The following MEI4 variants were observed in gnomAD, a reference collection of about 807,000 sequenced individuals.
The protein encoded by MEI4 is meiotic double-stranded break formation protein 4, also known as meiosis-specific protein MEI4.
A neutral mutation model predicts 31.4 loss-of-function variants in MEI4; 27 were observed. The ratio of observed to expected loss-of-function variants is 0.86; its 90% CI spans 0.63 to 1.19. MEI4 has a LOEUF of 1.19. Among genes scored for constraint, MEI4 ranks in the 50% most tolerant of loss-of-function variants. The pLI is 0.00. For missense variants in MEI4, 329 were observed against 398.9 expected (o/e 0.82, Z 1.49); for synonymous variants, 122 against 145.4 (o/e 0.84, Z 1.16).
At chr6:77,802,263 G>A (rs1018083185) in intron 3 of MEI4, among the ~76,000 whole-genome samples, 12 of 152,170 alleles carry the variant, frequency 7.9e-5, no homozygotes, top group African/African-American at 2.4e-4. Context: ...TTGGTTTAAA[G>A]TCTGTTTTAT....
rs568502176 is a variant in MEI4 at position 77,925,012 on chromosome 6, C to T, written c.*1666C>T. On this transcript the variant is annotated 3_prime_UTR_variant, in exon 5 of 5. Transcript: ENST00000684080. ...TGATTCCTGTGAACACCTGTGAAGG[C>T]TTATGGAAGTCACTTCAGTTGATAT... is the stretch of plus-strand genomic sequence containing the variant. The T allele has an allele frequency of 6.6e-6, 1 of 151,944 alleles. No individual in the cohort carries two copies. Among genetic ancestry groups the T allele is most frequent in the East Asian group, 1.9e-4 (1 of 5,154 alleles). The allele number at this position is 151,944 out of a possible 1,614,324, so 9.4% of individuals were successfully genotyped here.
rs151314701 is a variant in MEI4, at chr6:77,747,968, G to A, written c.233-13162G>A. On this transcript the variant is annotated intron_variant, in intron 2 of 4. Transcript: ENST00000684080. Reference sequence around the variant, plus strand: ...GCCCCATGCAAGTGCAGAATCCAGTGGGGTAGTCAAATCCTAAAGGGCTGA... The same window carrying A: ...GCCCCATGCAAGTGCAGAATCCAGTAGGGTAGTCAAATCCTAAAGGGCTGA... Among the ~76,000 whole-genome samples, 411 of 152,318 alleles carry A rather than the reference G, an allele frequency of 2.7e-3. 1 individual carries two copies. Among genetic ancestry groups the A allele is most frequent in the Non-Finnish European group, 4.6e-3 (315 of 68,022 alleles).
chr6:77,807,703 C>G (rs1769473762), intron 3 of MEI4, among the ~76,000 whole-genome samples: 1 of 152,136 alleles, frequency 6.6e-6, no homozygotes, highest in South Asian at 2.1e-4. Context: ...AGTGTAATGG[C>G]TCTTACCTAG....
intron 3 of MEI4, among the ~76,000 whole-genome samples, chr6:77,797,808 C>T (rs1162649505): frequency 1.3e-5 from 2 of 152,124 alleles, no homozygotes; most frequent in Non-Finnish European, 2.9e-5. Context: ...GAGGGTGGGT[C>T]TTCATCTGCC....
chr6:77,767,081 AT>A (rs1445659242), intron 3 of MEI4, among the ~76,000 whole-genome samples: 1 of 152,076 alleles, frequency 6.6e-6, no homozygotes, highest in Admixed American at 6.6e-5. Flanking sequence ...TTATAGCTGT[AT>A]TAAACAAACA....
intron 2 of MEI4, among the ~76,000 whole-genome samples, chr6:77,731,096 A>G (rs1185833431): frequency 3.3e-5 from 5 of 152,058 alleles, no homozygotes; most frequent in African/African-American, 1.2e-4. Context: ...ATATGTGTGC[A>G]TGTGTCTTTA....
At chr6:77,775,337 C>G (rs1016955134) in intron 3 of MEI4, among the ~76,000 whole-genome samples, 15 of 152,044 alleles carry the variant, frequency 9.9e-5, no homozygotes, top group African/African-American at 3.6e-4. Flanking sequence ...TCATTCCCCT[C>G]CCACCCTTTC....
chr6:77,688,416 A>G (rs1769095745), intron 1 of MEI4, among the ~76,000 whole-genome samples: 1 of 152,090 alleles, frequency 6.6e-6, no homozygotes. Flanking sequence ...GTTCAGACAA[A>G]TGACCCTGAC....
chr6:77,759,014 G>C (rs191692267), intron 2 of MEI4, among the ~76,000 whole-genome samples: 1 of 152,234 alleles, frequency 6.6e-6, no homozygotes, highest in East Asian at 1.9e-4. Flanking sequence ...CTGCCACCCT[G>C]TCTAATCGAT....
chr6:77,845,544 A>T (rs768138376), intron 4 of MEI4, among the ~76,000 whole-genome samples: 1 of 152,182 alleles, frequency 6.6e-6, no homozygotes, highest in Non-Finnish European at 1.5e-5. Flanking sequence ...GTGGGACACT[A>T]AGTGGGAAAA....
At chr6:77,900,422 G>A (rs1385558030) in intron 4 of MEI4, among the ~76,000 whole-genome samples, 2 of 151,924 alleles carry the variant, frequency 1.3e-5, no homozygotes, top group African/African-American at 4.8e-5. Flanking sequence ...TGTGTATTGA[G>A]GATCTATTAT....
intron 3 of MEI4, among the ~76,000 whole-genome samples, chr6:77,823,994 CT>C (rs1173443408): frequency 1.3e-5 from 2 of 152,062 alleles, no homozygotes; most frequent in East Asian, 3.9e-4. Context: ...TGGTTGAACA[CT>C]TTTTATGGAT....
At chr6:77,697,867 G>GT (rs1314765033) in intron 2 of MEI4, among the ~76,000 whole-genome samples, 1 of 152,158 alleles carries the variant, frequency 6.6e-6, no homozygotes, top group Admixed American at 6.5e-5. Flanking sequence ...ACAGTGGGGT[G>GT]TTAAAGTCTC....
chr6:77,734,013 TC>T (rs1404849638), intron 2 of MEI4, among the ~76,000 whole-genome samples: 2 of 152,098 alleles, frequency 1.3e-5, no homozygotes, highest in Non-Finnish European at 2.9e-5. Flanking sequence ...TAATTTCTTT[TC>T]TTTTACACTT....
intron 4 of MEI4, among the ~76,000 whole-genome samples, chr6:77,832,169 A>G (rs1242786401): frequency 6.6e-6 from 1 of 152,036 alleles, no homozygotes; most frequent in East Asian, 1.9e-4. Flanking sequence ...TCCAACCTAA[A>G]GTAAATATAA....
intron 2 of MEI4, among the ~76,000 whole-genome samples, chr6:77,754,383 C>T (rs1192636686): frequency 6.6e-6 from 1 of 152,160 alleles, no homozygotes; most frequent in Non-Finnish European, 1.5e-5. Context: ...CTCCAGTTCC[C>T]AATAAGTTCC....
chr6:77,925,539 TG>T lies in MEI4; in HGVS notation c.*2194del, dbSNP rs1266687532. 8 of 151,698 alleles carry T rather than the reference TG, an allele frequency of 5.3e-5. No homozygotes were observed. Among genetic ancestry groups the T allele is most frequent in the Non-Finnish European group, 1.2e-4 (8 of 67,868 alleles). The allele number at this position is 151,698 out of a possible 1,614,324, so 9.4% of individuals were successfully genotyped here. A position where few individuals can be genotyped will look rare whatever the true frequency, so the allele number is the denominator to read the frequency against. On this transcript the variant is annotated 3_prime_UTR_variant, in exon 5 of 5. Coordinates refer to ENST00000684080, the MANE Select transcript of MEI4 (RefSeq NM_001322247.2). ...TGAATGATTTAAACTGGTATTACAA[TG>T]TTTAAGAATGTTATAACAGTTTATA...
intron 2 of MEI4, among the ~76,000 whole-genome samples, chr6:77,726,928 G>A (rs745971866): frequency 9.9e-5 from 15 of 152,090 alleles, no homozygotes; most frequent in Non-Finnish European, 1.9e-4. Context: ...AATAAATAAC[G>A]TTTTATCCAA....
intron 1 of MEI4, among the ~76,000 whole-genome samples, chr6:77,676,726 A>G (rs368405568): frequency 6.6e-6 from 1 of 152,274 alleles, no homozygotes; most frequent in African/African-American, 2.4e-5. Flanking sequence ...GGATGATCCT[A>G]TGAGTGTCAT....
Sources: gnomAD v4.1 joint callset for allele counts (sites outside exome capture counted in the v4.1 genomes callset) on GRCh38, gnomAD v4.1.1 for gene constraint, MANE v1.5 for transcripts, NCBI Gene and HGNC (gene_info 2026-07-23, HGNC 2026-07-21) for gene names.